Variants in LRBA observed in about 807,000 individuals in gnomAD.
LRBA encodes the protein lipopolysaccharide-responsive and beige-like anchor protein.
In LRBA, 176 loss-of-function variants were observed where a neutral mutation model predicts 330.0. The ratio of observed to expected loss-of-function variants is 0.53; its 90% CI spans 0.47 to 0.60. The LOEUF (loss-of-function observed/expected upper bound fraction) is 0.60, where lower values mean the gene tolerates loss of function less well. Among genes scored for constraint, LRBA ranks in the 20% least tolerant of loss-of-function variants. LRBA has a pLI of 0.00. For missense variants in LRBA, 3,259 were observed against 3,444.8 expected (o/e 0.95, Z 1.35); for synonymous variants, 1,230 against 1,193.0 (o/e 1.03, Z -0.64).
intron 2 of LRBA, among the ~76,000 whole-genome samples, chr4:150,986,770 G>A (rs1214454302): frequency 6.6e-6 from 1 of 152,176 alleles, no homozygotes; most frequent in Non-Finnish European, 1.5e-5. Flanking sequence ...GGATGCCAAG[G>A]AAGCTTCTAA....
At chr4:150,525,955 G>A (rs1055919756) in intron 40 of LRBA, among the ~76,000 whole-genome samples, 7 of 151,926 alleles carry the variant, frequency 4.6e-5, no homozygotes, top group South Asian at 2.1e-4. Context: ...GTTGGCTACC[G>A]AGACCAATCC....
chr4:150,382,248 T>C (rs1742375543), intron 47 of LRBA, among the ~76,000 whole-genome samples: 1 of 152,234 alleles, frequency 6.6e-6, no homozygotes, highest in Admixed American at 6.5e-5. Flanking sequence ...AAATTGGCTC[T>C]AGCCTATCAT....
rs1367151216 is a variant in LRBA, at chr4:150,373,168, T to TGA, written c.7195-23010_7195-23009insTC. Among the ~76,000 whole-genome samples the TGA allele has an allele frequency of 1.2e-3, 139 of 111,512 alleles. 1 individual carries two copies. The highest frequency in any genetic ancestry group is 2.0e-3 in the Non-Finnish European group (103 of 50,562). The allele number at this position is 111,512 out of a possible 152,430, so 73.2% of individuals were successfully genotyped here. ...GTGTGTGTGTGTGTGTGTGTGTGTG[T>TGA]GTGTGAGAGAGAGAGAGAGAGAGAG... On this transcript the variant is annotated intron_variant, in intron 47 of 56. Transcript: ENST00000651943.
At chr4:150,887,981 C>T (rs1007349510) in intron 17 of LRBA, among the ~76,000 whole-genome samples, 1 of 151,718 alleles carries the variant, frequency 6.6e-6, no homozygotes, top group African/African-American at 2.4e-5. Context: ...GACCCCAATT[C>T]TAAAAAACAA....
intron 30 of LRBA, among the ~76,000 whole-genome samples, chr4:150,817,934 A>T (rs938115848): frequency 1.3e-5 from 2 of 152,108 alleles, no homozygotes; most frequent in Non-Finnish European, 2.9e-5. Flanking sequence ...AGTTGGCTCC[A>T]TAAACATGCA....
rs1405867107 is a variant in LRBA at position 150,349,708 on chromosome 4, G to A, written c.7362+284C>T. Among the ~76,000 whole-genome samples, 8 of 152,042 alleles carry A rather than the reference G, an allele frequency of 5.3e-5. No individual in the cohort carries two copies. In the East Asian group the frequency reaches 1.4e-3, roughly 26 times the overall value. ...ATTACTATTTTCCTACAAAAATCAT[G>A]AGTAACCCCCAAAGTTATATAAAAT... On this transcript the variant is annotated intron_variant, in intron 48 of 56. Transcript: ENST00000651943.
In LRBA at chr4:150,639,801, A is replaced by G. The variant is rs1288818160; in HGVS notation, c.5922-40670T>C. On this transcript the variant is annotated intron_variant, in intron 37 of 56. Coordinates refer to ENST00000651943, the MANE Select transcript of LRBA (RefSeq NM_001364905.1). ...TATATATGTGTGTGTGTATATATAT[A>G]TATATGTGTGTGTGTGTGTATATAT... 8.6e-4 allele frequency among the ~76,000 whole-genome samples: 4 copies of G among 4,656 alleles called. 1 individual carries two copies. The highest frequency in any genetic ancestry group is 1.3e-3 in the Non-Finnish European group (3 of 2,266). The allele number at this position is 4,656 out of a possible 152,430, so 3.1% of individuals were successfully genotyped here.
intron 40 of LRBA, among the ~76,000 whole-genome samples, chr4:150,527,871 G>A (rs1270382865): frequency 6.6e-6 from 1 of 152,126 alleles, no homozygotes; most frequent in African/African-American, 2.4e-5. Flanking sequence ...TGGATTCCAG[G>A]TGCCAAAGAC....
intron 47 of LRBA, among the ~76,000 whole-genome samples, chr4:150,403,839 T>C (rs772170700): frequency 6.6e-6 from 1 of 152,126 alleles, no homozygotes. Flanking sequence ...GAGACCAGCC[T>C]GACCAACATG....
chr4:150,563,328 A>G (rs1768633174), intron 40 of LRBA, among the ~76,000 whole-genome samples: 1 of 152,230 alleles, frequency 6.6e-6, no homozygotes, highest in South Asian at 2.1e-4. Context: ...TAGATGAAGA[A>G]AAGGCCTTCG....
intron 2 of LRBA, among the ~76,000 whole-genome samples, 154 bp from the exon 3 acceptor site, chr4:150,929,219 T>G (rs1428447215): frequency 2.0e-5 from 3 of 152,198 alleles, no homozygotes; most frequent in Admixed American, 1.3e-4. Context: ...AACTGAAGTT[T>G]CTGAAGTAAT....
At chr4:150,403,673 C>G (rs1021129154) in intron 47 of LRBA, among the ~76,000 whole-genome samples, 2 of 151,832 alleles carry the variant, frequency 1.3e-5, no homozygotes, top group Admixed American at 6.6e-5. Context: ...GTCAGTGCAA[C>G]AAGGTATTTC....
intron 19 of LRBA, 102 bp from the exon 20 acceptor site, chr4:150,870,708 C>A: frequency 3.2e-6 from 2 of 631,534 alleles, no homozygotes; most frequent in Admixed American, 2.5e-5. Context: ...AAGTACAACA[C>A]TAATCAAAAT....
chr4:150,713,942 T>A (rs1324664095), intron 36 of LRBA, among the ~76,000 whole-genome samples: 1 of 152,210 alleles, frequency 6.6e-6, no homozygotes, highest in Non-Finnish European at 1.5e-5. Context: ...GGAGATCAGA[T>A]GAGTGTGCTC....
rs1279453252 is a variant in LRBA at position 151,002,242 on chromosome 4, A to C, written c.216+12185T>G. 2.6e-5 allele frequency among the ~76,000 whole-genome samples: 4 copies of C among 151,144 alleles called. No individual in the cohort carries two copies. The East Asian group carries it at 5.8e-4, about 22-fold the overall frequency. ...AAAAAGGGCACCTCCAAAGGAACATAATAATTCTCCAGCAACATATCCCAA... is the reference window on the plus strand; with the variant it reads ...AAAAAGGGCACCTCCAAAGGAACATCATAATTCTCCAGCAACATATCCCAA... On this transcript the variant is annotated intron_variant, in intron 2 of 56. Transcript: ENST00000651943.
intron 26 of LRBA, among the ~76,000 whole-genome samples, chr4:150,846,871 T>A (rs1435271065): frequency 6.6e-6 from 1 of 152,322 alleles, no homozygotes; most frequent in South Asian, 2.1e-4. Context: ...TATCTCTTAA[T>A]TCTTTTCCGT....
chr4:150,898,978 C>T (rs1267905035), intron 14 of LRBA, among the ~76,000 whole-genome samples: 1 of 152,174 alleles, frequency 6.6e-6, no homozygotes, highest in African/African-American at 2.4e-5. Context: ...TTGTAAATCA[C>T]TAAACAACCA....
chr4:150,297,871 G>C (rs568495436), intron 53 of LRBA, among the ~76,000 whole-genome samples: 1 of 152,266 alleles, frequency 6.6e-6, no homozygotes, highest in South Asian at 2.1e-4. Context: ...ATCCAGGTTA[G>C]GGTAGGGTAA....
intron 17 of LRBA, among the ~76,000 whole-genome samples, chr4:150,881,196 T>C (rs577925699): frequency 6.6e-6 from 1 of 152,300 alleles, no homozygotes; most frequent in African/African-American, 2.4e-5. Flanking sequence ...TAAATCATTC[T>C]ACCAACAACA....
Sources: gnomAD v4.1 joint callset for allele counts (sites outside exome capture counted in the v4.1 genomes callset) on GRCh38, gnomAD v4.1.1 for gene constraint, MANE v1.5 for transcripts, NCBI Gene and HGNC (gene_info 2026-07-23, HGNC 2026-07-21) for gene names.